Variants in OSBPL10 observed in about 807,000 individuals in gnomAD.
The protein encoded by OSBPL10 is oxysterol binding protein like 10, also known as oxysterol-binding protein-related protein 10.
A neutral mutation model predicts 81.7 loss-of-function variants in OSBPL10; 49 were observed. The ratio of observed to expected loss-of-function variants is 0.60; its 90% CI spans 0.48 to 0.76. OSBPL10 has a LOEUF of 0.76. OSBPL10 is among the 30% of genes least tolerant of loss of function. The pLI is 0.00. For missense variants in OSBPL10, 923 were observed against 987.8 expected, an observed-to-expected ratio of 0.93 and a Z score of 0.88; for synonymous variants, 419 against 383.6, an observed-to-expected ratio of 1.09 and a Z score of -1.08.
intron 1 of OSBPL10, among the ~76,000 whole-genome samples, chr3:31,935,965 T>C (rs1318314673): frequency 6.6e-6 from 1 of 152,222 alleles, no homozygotes; most frequent in Non-Finnish European, 1.5e-5. Context: ...AAAGTCACCA[T>C]TCTAGTGAGA....
intron 4 of OSBPL10, chr3:31,795,448 C>G (rs984228740): frequency 1.8e-5 from 3 of 166,974 alleles, no homozygotes; most frequent in African/African-American, 7.2e-5. Context: ...GTCTGGCCCA[C>G]AAAACCTTTC....
intron 3 of OSBPL10, among the ~76,000 whole-genome samples, chr3:31,864,584 A>AGGGAGG (rs1415426954): frequency 6.6e-6 from 1 of 152,040 alleles, no homozygotes; most frequent in Non-Finnish European, 1.5e-5. Flanking sequence ...AAACCACAAG[A>AGGGAGG]GGGAGGGGGA....
chr3:31,833,693 GCACACGCACACGCACA>G lies in OSBPL10; in HGVS notation c.538-3478_538-3463del, dbSNP rs112742540. On this transcript the variant is annotated intron_variant, in intron 3 of 11. Coordinates refer to ENST00000396556, the MANE Select transcript of OSBPL10 (RefSeq NM_017784.5). ...AATATCAAGATTGTAGGGAAAACACGCACACGCACACGCACACACACACACACACACACACACACAC... is the reference window on the plus strand; with the variant it reads ...AATATCAAGATTGTAGGGAAAACACGCACACACACACACACACACACACAC... Among the ~76,000 whole-genome samples, 589 of 132,950 alleles carry G rather than the reference GCACACGCACACGCACA, an allele frequency of 4.4e-3. 2 individuals carry two copies. Among genetic ancestry groups the G allele is most frequent in the African/African-American group, 0.016 (516 of 32,672 alleles). 87.2% of individuals were successfully genotyped at this position (132,950 alleles called of 152,430 possible).
At chr3:31,848,943 G>T (rs1700697994) in intron 3 of OSBPL10, among the ~76,000 whole-genome samples, 1 of 152,206 alleles carries the variant, frequency 6.6e-6, no homozygotes, top group Admixed American at 6.5e-5. Context: ...TTAGCAAAAA[G>T]TTCAGAGTTG....
intron 4 of OSBPL10, chr3:31,794,996 G>C: frequency 3.7e-6 from 1 of 271,866 alleles, no homozygotes. Context: ...TATGAGGTTG[G>C]GAAGAACTTC....
chr3:31,975,888 A>G (rs751167349), intron 1 of OSBPL10, among the ~76,000 whole-genome samples: 3 of 152,208 alleles, frequency 2.0e-5, no homozygotes, highest in Admixed American at 6.5e-5. Flanking sequence ...CAACAAAGAC[A>G]AACAAAATTA....
chr3:31,683,915 A>G lies in OSBPL10; in HGVS notation c.1445T>C (p.Ile482Thr). Reference sequence around the variant, plus strand: ...GGAGCAGTGAAATGTCTCGCCTATGATGGGGTTGTAGGGCTTCTTGGCTAA... The same window carrying G: ...GGAGCAGTGAAATGTCTCGCCTATGGTGGGGTTGTAGGGCTTCTTGGCTAA... ...GALAKKPYNP[I>T]IGETFHCSWE... Residue 482 changes from isoleucine to threonine, a missense_variant, in exon 8 of 12, where the codon ATC (isoleucine) becomes ACC (threonine). This residue lies in a region of OSBPL10 where 387 missense variants were observed against 436.3 expected (regional missense o/e 0.89). Coordinates refer to ENST00000396556, the MANE Select transcript of OSBPL10 (RefSeq NM_017784.5). 1 of 1,614,242 alleles carries G rather than the reference A, an allele frequency of 6.2e-7. No homozygotes were observed. The highest frequency in any genetic ancestry group is 8.5e-7 in the Non-Finnish European group (1 of 1,180,050).
intron 4 of OSBPL10, among the ~76,000 whole-genome samples, chr3:31,803,815 G>A (rs2125456153): frequency 6.6e-6 from 1 of 152,276 alleles, no homozygotes. Context: ...GGGGTCATGT[G>A]CACTTTTGGT....
At chr3:31,759,653 C>T (rs1219712742) in intron 4 of OSBPL10, among the ~76,000 whole-genome samples, 4 of 152,164 alleles carry the variant, frequency 2.6e-5, no homozygotes, top group East Asian at 3.9e-4. Context: ...TTATCTAATA[C>T]ACCACTGTTG....
intron 1 of OSBPL10, among the ~76,000 whole-genome samples, chr3:31,898,949 ACCTTTTTTTTTTTTT>A (rs1696145481): frequency 7.5e-6 from 1 of 132,824 alleles, no homozygotes; most frequent in Admixed American, 8.5e-5. Flanking sequence ...TTAACTTTAA[ACCTTTTTTTTTTTTT>A]TTTTTTTTTT....
At position 32,041,880 on chromosome 3, in the gene OSBPL10, G is replaced by A. The variant is rs376883697; in HGVS notation, n.298+4611C>T. 3.9e-5 allele frequency among the ~76,000 whole-genome samples: 6 copies of A among 152,146 alleles called. No individual in the cohort carries two copies. The East Asian group carries it at 1.2e-3, about 29-fold the overall frequency. ...TCACCATGTTGGCCAGGCTGGTCTC[G>A]AACTCCTGACCTCAGGTGATCTGCC... On this transcript the variant is annotated intron_variant and non_coding_transcript_variant, in intron 2 of 3. Transcript: ENST00000479173.
intron 1 of OSBPL10, among the ~76,000 whole-genome samples, chr3:31,885,179 T>A (rs1695698251): frequency 1.3e-5 from 2 of 152,144 alleles, no homozygotes; most frequent in South Asian, 4.1e-4. Flanking sequence ...CATATACACT[T>A]ATATATGTGA....
intron 2 of OSBPL10, among the ~76,000 whole-genome samples, chr3:32,005,803 G>A (rs1286490651): frequency 1.3e-5 from 2 of 152,048 alleles, no homozygotes; most frequent in African/African-American, 4.8e-5. Flanking sequence ...TAGCCGCATG[G>A]TCTCAGTCTC....
intron 2 of OSBPL10, among the ~76,000 whole-genome samples, chr3:32,028,981 C>CACAT (rs1553650068): frequency 3.6e-4 from 53 of 148,942 alleles, no homozygotes; most frequent in Non-Finnish European, 6.2e-4. Context: ...CACACACACA[C>CACAT]ACACACACCA....
chr3:31,760,814 C>T (rs943172105), intron 4 of OSBPL10, among the ~76,000 whole-genome samples: 3 of 152,154 alleles, frequency 2.0e-5, no homozygotes, highest in African/African-American at 4.8e-5. Context: ...ATAAATATGC[C>T]ACAACTTATT....
At chr3:31,691,514 G>A (rs1429019344) in intron 7 of OSBPL10, among the ~76,000 whole-genome samples, 2 of 152,084 alleles carry the variant, frequency 1.3e-5, no homozygotes, top group East Asian at 3.9e-4. Context: ...CAGCCCTGGA[G>A]TTCAAGACCA....
rs56165278 is a variant in OSBPL10 at position 31,729,737 on chromosome 3, G to A, written c.1095+3520C>T. Among the ~76,000 whole-genome samples, 1,351 of 152,276 alleles carry A rather than the reference G, an allele frequency of 8.9e-3. 11 individuals are homozygous for A. Among genetic ancestry groups the A allele is most frequent in the Non-Finnish European group, 0.011 (747 of 68,024 alleles). ...CCCAGCCGGCACCTTAGACTTTTAA[G>A]TTCAAGGTCACAACATTGTAGGTGG... On this transcript the variant is annotated intron_variant, in intron 6 of 11. Transcript: ENST00000396556.
At chr3:31,692,195 G>A (rs1575479406) in intron 7 of OSBPL10, among the ~76,000 whole-genome samples, 1 of 152,134 alleles carries the variant, frequency 6.6e-6, no homozygotes, top group Non-Finnish European at 1.5e-5. Flanking sequence ...GGAGCAGAAC[G>A]TCATCCCTTA....
At chr3:31,814,507 CAG>C (rs1699782813) in intron 4 of OSBPL10, among the ~76,000 whole-genome samples, 2 of 152,142 alleles carry the variant, frequency 1.3e-5, no homozygotes, top group Non-Finnish European at 2.9e-5. Context: ...GAAAAAAAGA[CAG>C]AGACACCGAT....
Sources: allele counts gnomAD v4.1 joint callset (sites outside exome capture counted in the v4.1 genomes callset), GRCh38; gene constraint gnomAD v4.1.1; regional missense constraint gnomAD v4.1.1; transcripts MANE v1.5; gene names NCBI Gene and HGNC (gene_info 2026-07-23, HGNC 2026-07-21).